Variants in MEF2A observed in about 807,000 individuals in gnomAD.
MEF2A encodes myocyte enhancer factor 2A, also known as myocyte-specific enhancer factor 2A.
In MEF2A, 28 loss-of-function variants were observed where a neutral mutation model predicts 55.8. The observed-to-expected ratio is 0.50, with a 90% CI of 0.37 to 0.69. MEF2A has a LOEUF of 0.69. Among genes scored for constraint, MEF2A ranks in the 30% least tolerant of loss-of-function variants. MEF2A has a pLI of 0.00. For synonymous variants in MEF2A, 239 were observed against 227.1 expected (o/e 1.05, Z -0.47); for missense variants, 528 against 626.2 (o/e 0.84, Z 1.67).
intron 7 of MEF2A, among the ~76,000 whole-genome samples, chr15:99,684,811 T>G (rs1297921097): frequency 6.6e-6 from 1 of 152,208 alleles, no homozygotes; most frequent in Non-Finnish European, 1.5e-5. Context: ...GTTCTAGAAT[T>G]TTTGTGATTT....
chr15:99,643,040 A>T (rs1276192461), intron 3 of MEF2A, among the ~76,000 whole-genome samples: 1 of 152,216 alleles, frequency 6.6e-6, no homozygotes, highest in Non-Finnish European at 1.5e-5. Context: ...TTTGAAGTTA[A>T]TATAAAGAAT....
chr15:99,617,539 G>GCTCTTAA (rs2040414129), intron 2 of MEF2A, among the ~76,000 whole-genome samples: 1 of 152,164 alleles, frequency 6.6e-6, no homozygotes. Context: ...ATTATAATCA[G>GCTCTTAA]CTCTTAAATT....
At chr15:99,600,742 T>C (rs143351900) in intron 2 of MEF2A, among the ~76,000 whole-genome samples, 18 of 143,888 alleles carry the variant, frequency 1.3e-4, no homozygotes, top group East Asian at 1.2e-3. Context: ...CAGGACTCTG[T>C]TCTGCTGATC....
intron 4 of MEF2A, among the ~76,000 whole-genome samples, chr15:99,671,106 T>G (rs775889137): frequency 2.6e-4 from 40 of 152,252 alleles, no homozygotes; most frequent in Non-Finnish European, 1.2e-4. Context: ...CAAACAAATA[T>G]TCCTTTTCTC....
intron 1 of MEF2A, among the ~76,000 whole-genome samples, chr15:99,582,343 G>A (rs556703529): frequency 1.1e-4 from 17 of 152,102 alleles, no homozygotes; most frequent in African/African-American, 3.4e-4. Context: ...TTGTCCTTTC[G>A]TCATTCTTCC....
intron 7 of MEF2A, among the ~76,000 whole-genome samples, chr15:99,683,711 T>TA (rs11299840): frequency 0.14 from 19,963 of 139,282 alleles, 1,446 homozygotes; most frequent in East Asian, 0.19. Context: ...GGCCTTTTAT[T>TA]AAAAAAAAAA....
intron 8 of MEF2A, among the ~76,000 whole-genome samples, chr15:99,693,063 G>A (rs1194796861): frequency 1.3e-5 from 2 of 152,152 alleles, no homozygotes; most frequent in African/African-American, 2.4e-5. Flanking sequence ...CACCCCCAGA[G>A]GGATATGAAG....
At chr15:99,704,157 C>T (rs1462404965) in intron 9 of MEF2A, among the ~76,000 whole-genome samples, 1 of 152,148 alleles carries the variant, frequency 6.6e-6, no homozygotes, top group Non-Finnish European at 1.5e-5. Context: ...TGTTTCTTAG[C>T]ATGGACAAAG....
chr15:99,682,646 T>C (rs138003109), intron 7 of MEF2A, among the ~76,000 whole-genome samples: 2 of 152,346 alleles, frequency 1.3e-5, no homozygotes, highest in African/African-American at 4.8e-5. Context: ...CATCATCCTT[T>C]AATCATCATC....
At chr15:99,599,354 A>G (rs891849526) in intron 2 of MEF2A, among the ~76,000 whole-genome samples, 1 of 152,276 alleles carries the variant, frequency 6.6e-6, no homozygotes, top group East Asian at 1.9e-4. Flanking sequence ...CAGGCTGATG[A>G]TTATGTCAGT....
chr15:99,607,919 A>G (rs1170350944), intron 2 of MEF2A, among the ~76,000 whole-genome samples: 5 of 152,194 alleles, frequency 3.3e-5, no homozygotes, highest in African/African-American at 4.8e-5. Flanking sequence ...CTGTGATTAT[A>G]TCATCAGTTC....
At position 99,674,389 on chromosome 15, in the gene MEF2A, A is replaced by G; in HGVS notation, c.391-4A>G. 2 of 1,590,584 alleles carry G rather than the reference A, an allele frequency of 1.3e-6. No homozygotes were observed. The highest frequency in any genetic ancestry group is 2.3e-5 in the South Asian group (2 of 88,194). On this transcript the variant is annotated splice_polypyrimidine_tract_variant and splice_region_variant and intron_variant, in intron 5 of 11. Coordinates refer to ENST00000557942, the MANE Select transcript of MEF2A (RefSeq NM_001319206.4). ...GTTTTTTCCTTCTTTTTCTTTATTT[A>G]CAGCCTGGTCTGCCACCTCAGAACT...
intron 1 of MEF2A, among the ~76,000 whole-genome samples, chr15:99,578,554 A>G (rs35912172): frequency 0.067 from 10,136 of 152,270 alleles, 398 homozygotes; most frequent in East Asian, 0.17. Flanking sequence ...GATAGCATTT[A>G]GAAACCGAGA....
At chr15:99,672,557 G>T (rs1239211548) in intron 5 of MEF2A, among the ~76,000 whole-genome samples, 1 of 152,136 alleles carries the variant, frequency 6.6e-6, no homozygotes, top group East Asian at 1.9e-4. Flanking sequence ...ATTTATTTTA[G>T]CATCAGAGTT....
At position 99,712,644 on chromosome 15, in the gene MEF2A, A is replaced by G. The variant is rs1318408228; in HGVS notation, c.1391A>G (p.Asp464Gly). Residue 464 changes from aspartate to glycine, a missense_variant, in exon 12 of 12, where the codon GAT becomes GGT. Physicochemically the swap from Asp to Gly is moderately conservative, Grantham distance 94 (BLOSUM62 -1). Around this residue, in one of 2 missense-constraint regions of MEF2A, gnomAD observed 450 missense variants for 475.3 expected, o/e 0.95. Transcript: ENST00000557942. This position sits in a 1 kb window ranked among gnomAD's most constrained non-coding sequence, Gnocchi z 4.1. ...DSLSSSSSSY[D>G]GSDREDPRGD... is the part of the protein sequence containing the mutation. ...CTGAGCAGCTCTAGTAGCTCCTATG[A>G]TGGCAGTGATCGGGAGGATCCACGG... The G allele has an allele frequency of 6.4e-7, 1 of 1,553,574 alleles. No individual in the cohort carries two copies. Among genetic ancestry groups the G allele is most frequent in the Admixed American group, 2.0e-5 (1 of 51,144 alleles).
chr15:99,641,008 C>G (rs2044805036), intron 3 of MEF2A, among the ~76,000 whole-genome samples: 1 of 152,074 alleles, frequency 6.6e-6, no homozygotes, highest in Admixed American at 6.5e-5. Flanking sequence ...TGTTTATTCC[C>G]TGTGATCTCG....
intron 7 of MEF2A, among the ~76,000 whole-genome samples, chr15:99,689,260 T>G (rs906145875): frequency 6.6e-6 from 1 of 152,156 alleles, no homozygotes; most frequent in Non-Finnish European, 1.5e-5. Flanking sequence ...AGTAGAGCCA[T>G]AAGGAAGAAG....
intron 5 of MEF2A, chr15:99,671,677 T>C: frequency 6.5e-7 from 1 of 1,548,796 alleles, no homozygotes; most frequent in Non-Finnish European, 8.7e-7. Flanking sequence ...AAAGTATGGT[T>C]TGTGCTTTTA....
At chr15:99,612,442 T>C (rs538177853) in intron 2 of MEF2A, among the ~76,000 whole-genome samples, 2 of 152,172 alleles carry the variant, frequency 1.3e-5, no homozygotes, top group South Asian at 2.1e-4. Context: ...CACTGAATTA[T>C]TCACTTTTAA....
Sources: gnomAD v4.1 joint callset for allele counts (sites outside exome capture counted in the v4.1 genomes callset) on GRCh38, gnomAD v4.1.1 for gene constraint, gnomAD v4.1.1 regional missense constraint, Gnocchi (gnomAD v3.1) non-coding constraint, MANE v1.5 for transcripts, NCBI Gene and HGNC (gene_info 2026-07-23, HGNC 2026-07-21) for gene names.